Variants in GABRG3 observed in about 807,000 individuals in gnomAD.
GABRG3 encodes the protein gamma-aminobutyric acid type A receptor subunit gamma3.
In GABRG3, 25 loss-of-function variants were observed where a neutral mutation model predicts 48.8. The observed-to-expected ratio is 0.51, with a 90% confidence interval of 0.37 to 0.72. The LOEUF is 0.72. Ranked by LOEUF, GABRG3 falls within the 30% of genes least tolerant of loss-of-function variation. GABRG3 has a pLI of 0.00. For missense variants in GABRG3, 394 were observed against 577.9 expected (o/e 0.68, Z 3.26); for synonymous variants, 227 against 217.6 (o/e 1.04, Z -0.38).
At chr15:27,248,091 G>A (rs1890323615) in intron 3 of GABRG3, among the ~76,000 whole-genome samples, 1 of 152,188 alleles carries the variant, frequency 6.6e-6, no homozygotes, top group Non-Finnish European at 1.5e-5. Context: ...TAACTCTACA[G>A]AACACTTCTT....
chr15:27,235,019 G>A (rs1430153744), intron 3 of GABRG3, among the ~76,000 whole-genome samples: 1 of 152,118 alleles, frequency 6.6e-6, no homozygotes, highest in Non-Finnish European at 1.5e-5. Flanking sequence ...CTGAGGGCGT[G>A]GGGGGCTGTT....
chr15:27,026,852 G>A (rs372378984), intron 3 of GABRG3, 31 bp downstream of exon 3: 10 of 1,487,942 alleles, frequency 6.7e-6, no homozygotes, highest in East Asian at 4.6e-5. Context: ...CTGATCTAAC[G>A]GCTGTTGCAC....
intron 5 of GABRG3, among the ~76,000 whole-genome samples, chr15:27,472,921 G>A (rs1889829129): frequency 6.6e-6 from 1 of 152,078 alleles, no homozygotes; most frequent in African/African-American, 2.4e-5. Context: ...GGAGATGAAT[G>A]TATGATGGAT....
chr15:27,388,642 G>A (rs1054548788), intron 5 of GABRG3, among the ~76,000 whole-genome samples: 1 of 152,134 alleles, frequency 6.6e-6, no homozygotes, highest in Admixed American at 6.5e-5. Context: ...ATGATTGGCT[G>A]TGTTATCTTA....
intron 3 of GABRG3, among the ~76,000 whole-genome samples, chr15:27,132,471 G>GGTT (rs778222775): frequency 0.085 from 3,369 of 39,542 alleles, 1,087 homozygotes; most frequent in South Asian, 0.13. Flanking sequence ...AGTAGTTACA[G>GGTT]TTTTTTTTTT....
chr15:27,291,806 C>G (rs975350541), intron 3 of GABRG3, among the ~76,000 whole-genome samples: 1 of 152,180 alleles, frequency 6.6e-6, no homozygotes, highest in South Asian at 2.1e-4. Flanking sequence ...TGGATCAGCT[C>G]TCCAATAGAG....
rs923538129 is a variant in GABRG3 at position 26,974,670 on chromosome 15, C to T, written c.54-2332C>T. ...TGCTGAGATGAGCTACCGGCCTCTCCTCACTGCCCCAGATGCCCTTGCTGT... is the reference window on the plus strand; with the variant it reads ...TGCTGAGATGAGCTACCGGCCTCTCTTCACTGCCCCAGATGCCCTTGCTGT... On this transcript the variant is annotated intron_variant, in intron 1 of 9. Transcript: ENST00000615808. The surrounding 1 kb of genome is among the most constrained non-coding windows in gnomAD (Gnocchi z 4.3). Among the ~76,000 whole-genome samples, 2 of 152,066 alleles carry T rather than the reference C, an allele frequency of 1.3e-5. No homozygotes were observed. Among genetic ancestry groups the T allele is most frequent in the African/African-American group, 4.8e-5 (2 of 41,400 alleles).
chr15:27,430,031 G>T (rs887347917), intron 5 of GABRG3, among the ~76,000 whole-genome samples: 2 of 152,170 alleles, frequency 1.3e-5, no homozygotes, highest in South Asian at 2.1e-4. Flanking sequence ...GTGTAAGGGG[G>T]TTTCAATTTC....
rs1219064186 is a variant in GABRG3 at position 27,089,114 on chromosome 15, C to T, written c.270+62293C>T. On this transcript the variant is annotated intron_variant, in intron 3 of 9. Coordinates refer to ENST00000615808, the MANE Select transcript of GABRG3 (RefSeq NM_033223.5). ...ATCCTCTGGAAGATAAGAGCTGGGG[C>T]CATAGGGCAGGAAGGACCGTGGAAG... Among the ~76,000 whole-genome samples the T allele has an allele frequency of 2.0e-5, 3 of 152,064 alleles. No individual in the cohort carries two copies. In the East Asian group the frequency reaches 5.8e-4, roughly 29 times the overall value.
intron 6 of GABRG3, among the ~76,000 whole-genome samples, chr15:27,504,768 A>T (rs1201048777): frequency 1.3e-5 from 2 of 152,050 alleles, no homozygotes; most frequent in African/African-American, 4.8e-5. Flanking sequence ...TTTGCTAGTG[A>T]TCAATTCAGC....
At position 27,538,808 on chromosome 15, in the gene GABRG3, C is replaced by G. The variant is rs1595819558; in HGVS notation, c.*5927C>G. The G allele has an allele frequency of 6.6e-6, 1 of 152,204 alleles. No homozygotes were observed. The highest frequency in any genetic ancestry group is 1.9e-4 in the East Asian group (1 of 5,190). The allele number at this position is 152,204 out of a possible 1,614,324, so 9.4% of individuals were successfully genotyped here. On this transcript the variant is annotated 3_prime_UTR_variant, in exon 10 of 10. Coordinates refer to ENST00000615808, the MANE Select transcript of GABRG3 (RefSeq NM_033223.5). ...CTGTGAGGGGCTTAGACTCCGATTT[C>G]TCCCAGTTGCCTCACTTACTGAAGT...
chr15:27,328,227 A>T (rs1893686305), intron 4 of GABRG3, among the ~76,000 whole-genome samples: 1 of 152,162 alleles, frequency 6.6e-6, no homozygotes, highest in Non-Finnish European at 1.5e-5. Flanking sequence ...GTAAAGCCAT[A>T]CACCGGAGAC....
At chr15:27,193,181 T>C (rs1262584359) in intron 3 of GABRG3, among the ~76,000 whole-genome samples, 1 of 152,214 alleles carries the variant, frequency 6.6e-6, no homozygotes, top group Admixed American at 6.5e-5. Context: ...GGGACCCACA[T>C]GAGGAGGCAG....
chr15:27,228,039 A>T (rs777422729), intron 3 of GABRG3, among the ~76,000 whole-genome samples: 5 of 152,230 alleles, frequency 3.3e-5, no homozygotes, highest in Admixed American at 2.6e-4. Flanking sequence ...TAAATAAAAC[A>T]TTTTAGCACC....
intron 2 of GABRG3, among the ~76,000 whole-genome samples, chr15:26,989,974 A>G (rs1258532318): frequency 1.3e-5 from 2 of 152,226 alleles, no homozygotes; most frequent in Admixed American, 1.3e-4. Flanking sequence ...TTAATAGCTG[A>G]ATAGTATTAC....
At chr15:27,350,899 TTG>T (rs905748049) in intron 5 of GABRG3, among the ~76,000 whole-genome samples, 1 of 146,292 alleles carries the variant, frequency 6.8e-6, no homozygotes, top group African/African-American at 2.5e-5. Flanking sequence ...TCGTGTGTGT[TTG>T]TGTGTGTGTA....
chr15:27,164,823 T>G (rs1409300208), intron 3 of GABRG3, among the ~76,000 whole-genome samples: 1 of 152,232 alleles, frequency 6.6e-6, no homozygotes, highest in Admixed American at 6.5e-5. Context: ...AAAGGGGATC[T>G]TCTCATCATA....
At chr15:27,004,541 G>A (rs1372012819) in intron 2 of GABRG3, among the ~76,000 whole-genome samples, 2 of 152,104 alleles carry the variant, frequency 1.3e-5, no homozygotes, top group African/African-American at 2.4e-5. Flanking sequence ...CTTCCCAGAC[G>A]GGGTGGCGGC....
intron 2 of GABRG3, among the ~76,000 whole-genome samples, chr15:27,013,229 G>A (rs1051319144): frequency 6.6e-6 from 1 of 152,032 alleles, no homozygotes; most frequent in Non-Finnish European, 1.5e-5. Flanking sequence ...CATCCACCTA[G>A]TAGAACATGA....
Sources: allele counts gnomAD v4.1 joint callset (sites outside exome capture counted in the v4.1 genomes callset), GRCh38; gene constraint gnomAD v4.1.1; non-coding constraint Gnocchi (gnomAD v3.1); transcripts MANE v1.5; gene names NCBI Gene and HGNC (gene_info 2026-07-23, HGNC 2026-07-21).